PRORP: variants seen among roughly 807,000 people sequenced by gnomAD.
The protein encoded by PRORP is protein only RNase P catalytic subunit.
PRORP carries 51 observed loss-of-function variants against 59.4 expected under a neutral mutation model. The observed-to-expected ratio is 0.86, with a 90% CI of 0.69 to 1.08. The LOEUF is 1.08. Ranked by LOEUF, PRORP falls within the 50% of genes least tolerant of loss-of-function variation. PRORP has a pLI of 0.00. For synonymous variants in PRORP, 231 were observed against 245.6 expected, an observed-to-expected ratio of 0.94 and a Z score of 0.55; for missense variants, 646 against 690.3, an observed-to-expected ratio of 0.94 and a Z score of 0.72.
intron 5 of PRORP, among the ~76,000 whole-genome samples, chr14:35,202,071 G>A (rs1211632187): frequency 6.6e-6 from 1 of 151,160 alleles, no homozygotes; most frequent in Non-Finnish European, 1.5e-5. Flanking sequence ...CCAGGTTCAC[G>A]CCATTCTCCT....
chr14:35,121,993 T>C (rs955896114), upstream of PRORP: 7 of 1,613,552 alleles, frequency 4.3e-6, no homozygotes, highest in South Asian at 6.6e-5. Flanking sequence ...CTGCATTTGC[T>C]GTTTCCTACC....
At chr14:35,129,129 AC>A (rs2047171710) in intron 4 of PRORP, among the ~76,000 whole-genome samples, 3 of 151,858 alleles carry the variant, frequency 2.0e-5, no homozygotes, top group Non-Finnish European at 4.4e-5. Context: ...AATCGCTTGA[AC>A]CCAGGAGGCG....
chr14:35,153,096 G>A (rs554051298), intron 4 of PRORP, among the ~76,000 whole-genome samples: 220 of 152,354 alleles, frequency 1.4e-3, no homozygotes, highest in African/African-American at 5.1e-3. Flanking sequence ...TCCAGCCTGG[G>A]CAACATTGAG....
chr14:35,238,743 C>G lies in PRORP; in HGVS notation c.1276-27984C>G, dbSNP rs1303038916. Among the ~76,000 whole-genome samples the G allele has an allele frequency of 3.3e-5, 5 of 152,034 alleles. No individual in the cohort carries two copies. The East Asian group carries it at 9.6e-4, about 29-fold the overall frequency. On this transcript the variant is annotated intron_variant, in intron 5 of 7. Transcript: ENST00000534898. The stretch of plus-strand genomic sequence containing the variant: ...ATTCTAAGTTAACACGTCTTTTTTT[C>G]TCTGCATTTTATCTGAAGGGCCAGA...
At chr14:35,125,316 T>G (rs2047071608) in intron 2 of PRORP, among the ~76,000 whole-genome samples, 1 of 152,224 alleles carries the variant, frequency 6.6e-6, no homozygotes. Context: ...TCTCTAAAGC[T>G]CTCTCCTTTG....
Position 35,144,878 on chromosome 14 carries a change from CTCTA to C in PRORP, c.1167+17271_1167+17274del, listed in dbSNP as rs1184978524. Reference sequence around the variant, plus strand: ...AAAAGTTCAAGTAAAGTTTATTTCCCTCTATCTTATTACACAAGCATATTAACAA... The same window carrying C: ...AAAAGTTCAAGTAAAGTTTATTTCCCTCTTATTACACAAGCATATTAACAA... On this transcript the variant is annotated intron_variant, in intron 4 of 7. Transcript: ENST00000534898. 2.1e-5 allele frequency among the ~76,000 whole-genome samples: 3 copies of C among 145,782 alleles called. 1 individual carries two copies. The highest frequency in any genetic ancestry group is 4.6e-5 in the Non-Finnish European group (3 of 65,586).
chr14:35,208,356 C>G (rs1208187184), intron 5 of PRORP, among the ~76,000 whole-genome samples: 1 of 152,014 alleles, frequency 6.6e-6, no homozygotes, highest in Non-Finnish European at 1.5e-5. Context: ...CAGGAGAATC[C>G]CTTGAGCCCA....
Position 35,123,917 on chromosome 14 carries a change from C to T in PRORP, c.672C>T (p.Asp224=). The T allele has an allele frequency of 1.9e-6, 3 of 1,614,046 alleles. No individual in the cohort carries two copies. The highest frequency in any genetic ancestry group is 2.2e-5 in the South Asian group (2 of 91,078). Residue 224 remains aspartate (D), a synonymous_variant, in exon 2 of 8, where the codon GAC becomes GAT. Transcript: ENST00000534898. Reference sequence around the variant, plus strand: ...TCATCCGGGGATTGATCCATTCAGACAGATGGAGAGAAGCATTGTTGCTGT... The same window carrying T: ...TCATCCGGGGATTGATCCATTCAGATAGATGGAGAGAAGCATTGTTGCTGT... ...SLLIRGLIHS[D]RWREALLLLE...
At chr14:35,203,273 A>G (rs751812095) in intron 5 of PRORP, among the ~76,000 whole-genome samples, 2 of 152,180 alleles carry the variant, frequency 1.3e-5, no homozygotes, top group Non-Finnish European at 2.9e-5. Context: ...TTGGCACTTC[A>G]GCTCAATTGT....
In PRORP at chr14:35,244,320, A is replaced by G. The variant is rs150347520; in HGVS notation, c.1276-22407A>G. On this transcript the variant is annotated intron_variant, in intron 5 of 7. Transcript: ENST00000534898. Reference sequence around the variant, plus strand: ...TTTAACTTTTTAGAGGACCAGTATTATGGTGTTACATACATAATATGAGAG... The same window carrying G: ...TTTAACTTTTTAGAGGACCAGTATTGTGGTGTTACATACATAATATGAGAG... Among the ~76,000 whole-genome samples, 1,161 of 152,314 alleles carry G rather than the reference A, an allele frequency of 7.6e-3. 4 individuals are homozygous for G. Among genetic ancestry groups the G allele is most frequent in the South Asian group, 0.021 (101 of 4,832 alleles).
At chr14:35,253,572 G>A (rs1013369185) in intron 5 of PRORP, among the ~76,000 whole-genome samples, 49 of 152,090 alleles carry the variant, frequency 3.2e-4, no homozygotes, top group Non-Finnish European at 6.0e-4. Flanking sequence ...ATACTTATAG[G>A]ACAGAGTCTC....
chr14:35,218,186 A>T (rs2049655174), intron 5 of PRORP, among the ~76,000 whole-genome samples: 1 of 152,260 alleles, frequency 6.6e-6, no homozygotes, highest in South Asian at 2.1e-4. Context: ...AGAGCTGGGC[A>T]TGGTGGCTCA....
In PRORP at chr14:35,228,224, T is replaced by G. The variant is rs138622187; in HGVS notation, c.1276-38503T>G. On this transcript the variant is annotated intron_variant, in intron 5 of 7. Transcript: ENST00000534898. The stretch of plus-strand genomic sequence containing the variant: ...TTTTTAAAAGATAATAGCCAGCCAT[T>G]GAGCATTATTGCCTTCCCTTGTGTG... 2.5e-4 allele frequency among the ~76,000 whole-genome samples: 38 copies of G among 152,332 alleles called. No individual in the cohort carries two copies. In the East Asian group the frequency reaches 7.1e-3, roughly 29 times the overall value.
At chr14:35,144,868 G>C (rs973439429) in intron 4 of PRORP, among the ~76,000 whole-genome samples, 2 of 146,002 alleles carry the variant, frequency 1.4e-5, no homozygotes, top group Non-Finnish European at 3.0e-5. Context: ...TTCAAGTAAA[G>C]TTTATTTCCC....
intron 4 of PRORP, among the ~76,000 whole-genome samples, chr14:35,140,938 T>C (rs573759647): frequency 6.8e-6 from 1 of 146,488 alleles, no homozygotes; most frequent in South Asian, 2.2e-4. Context: ...ATAAAAATTA[T>C]TCTAGGTATG....
intron 5 of PRORP, among the ~76,000 whole-genome samples, chr14:35,256,543 T>G (rs1053570115): frequency 7.3e-5 from 11 of 151,484 alleles, no homozygotes; most frequent in Non-Finnish European, 1.5e-4. Context: ...TGTTGGTCAG[T>G]CTGGTCTCGA....
At chr14:35,181,147 A>G (rs2048595540) in intron 5 of PRORP, among the ~76,000 whole-genome samples, 1 of 152,174 alleles carries the variant, frequency 6.6e-6, no homozygotes, top group African/African-American at 2.4e-5. Flanking sequence ...AATATACAAT[A>G]TCAAGAGATA....
chr14:35,166,750 CT>C (rs1452382376), intron 4 of PRORP, among the ~76,000 whole-genome samples: 3 of 152,104 alleles, frequency 2.0e-5, no homozygotes, highest in Non-Finnish European at 1.5e-5. Flanking sequence ...TGTGCCTGGC[CT>C]ATCTGAATCT....
At chr14:35,152,613 C>G (rs1044111696) in intron 4 of PRORP, among the ~76,000 whole-genome samples, 2 of 151,746 alleles carry the variant, frequency 1.3e-5, no homozygotes, top group Admixed American at 6.6e-5. Flanking sequence ...CTGACCCCCC[C>G]ACCTCCGCCT....
Sources: gnomAD v4.1 joint callset for allele counts (sites outside exome capture counted in the v4.1 genomes callset) on GRCh38, gnomAD v4.1.1 for gene constraint, MANE v1.5 for transcripts, NCBI Gene and HGNC (gene_info 2026-07-23, HGNC 2026-07-21) for gene names.